The following AFF2 variants were observed in gnomAD, a reference collection of about 807,000 sequenced individuals.
AFF2 encodes ALF transcription elongation factor 2, also known as AF4/FMR2 family member 2.
Under a neutral mutation model 76.9 loss-of-function variants are expected in AFF2, and 14 were observed. The observed-to-expected ratio is 0.18, with a 90% CI of 0.12 to 0.28. The LOEUF (loss-of-function observed/expected upper bound fraction) is 0.28. Ranked by LOEUF, AFF2 falls within the 10% of genes least tolerant of loss-of-function variation. The pLI is 1.00. For synonymous variants in AFF2, 398 were observed against 366.7 expected (o/e 1.09, Z -0.98); for missense variants, 868 against 1,001.1 (o/e 0.87, Z 1.79).
intron 1 of AFF2, among the ~76,000 whole-genome samples, chrX:148,509,918 T>C (rs782406361): frequency 9.0e-6 from 1 of 111,628 alleles, no homozygotes; most frequent in Non-Finnish European, 1.9e-5. Context: ...AAGCTGCTAG[T>C]GAGCAGCAGG....
At chrX:148,974,167 T>C (rs781827750) in intron 16 of AFF2, among the ~76,000 whole-genome samples, 1 of 109,658 alleles carries the variant, frequency 9.1e-6, no homozygotes, top group Non-Finnish European at 1.9e-5. Context: ...GGATATTAAC[T>C]GCACACATTA....
At chrX:148,921,395 G>A (rs782653781) in intron 9 of AFF2, among the ~76,000 whole-genome samples, 3 of 112,311 alleles carry the variant, frequency 2.7e-5, no homozygotes, top group Admixed American at 9.4e-5. Flanking sequence ...CCCTGTACCC[G>A]TTAAGCAGTC....
At chrX:148,862,614 C>T (rs1317437289) in intron 7 of AFF2, among the ~76,000 whole-genome samples, 1 of 110,901 alleles carries the variant, frequency 9.0e-6, no homozygotes, top group African/African-American at 3.3e-5. Context: ...AAGAATGTGT[C>T]CTTTATTTAA....
intron 7 of AFF2, among the ~76,000 whole-genome samples, chrX:148,869,877 G>A (rs1238288525): frequency 3.6e-5 from 4 of 110,908 alleles, no homozygotes; most frequent in Non-Finnish European, 7.6e-5. Context: ...TCCTTCTATG[G>A]GTGACCGTAT....
intron 3 of AFF2, among the ~76,000 whole-genome samples, chrX:148,666,628 A>C (rs868958049): frequency 1.7e-4 from 17 of 102,886 alleles, no homozygotes; most frequent in East Asian, 2.9e-4. Context: ...AAATAAATAA[A>C]TAACAAAACT....
chrX:148,888,634 G>C (rs782177873), intron 8 of AFF2, among the ~76,000 whole-genome samples: 2 of 111,704 alleles, frequency 1.8e-5, no homozygotes, highest in South Asian at 7.5e-4. Flanking sequence ...ACATAGTACT[G>C]TTCACTCATC....
intron 3 of AFF2, among the ~76,000 whole-genome samples, chrX:148,743,761 G>A (rs2055389197): frequency 9.0e-6 from 1 of 111,010 alleles, no homozygotes; most frequent in Admixed American, 9.6e-5. Context: ...GACTCCATTG[G>A]GTGGTCAGAG....
At chrX:148,615,329 G>A (rs2053786373) in intron 1 of AFF2, among the ~76,000 whole-genome samples, 2 of 112,126 alleles carry the variant, frequency 1.8e-5, no homozygotes, top group Admixed American at 9.5e-5. Flanking sequence ...CTTGCACATA[G>A]AAGGTATGTG....
chrX:148,577,501 G>A (rs1300799746), intron 1 of AFF2, among the ~76,000 whole-genome samples: 3 of 112,157 alleles, frequency 2.7e-5, no homozygotes, highest in Non-Finnish European at 5.6e-5. Flanking sequence ...CCAAACCTCT[G>A]CTTTCCTAGA....
At position 148,980,755 on chromosome X, in the gene AFF2, C is replaced by A; in HGVS notation, c.3588C>A (p.Val1196=). The change falls in exon 19 of 21, where the codon GTC becomes GTA. Residue 1196 remains valine, a synonymous_variant. Transcript: ENST00000370460. ...MEYFKQNASK[V]AQIPSPWVSN... Reference sequence around the variant, plus strand: ...TCTTTTAGCAAAATGCTTCAAAAGTCGCACAGATACCCTCTCCATGGGTAA... The same window carrying A: ...TCTTTTAGCAAAATGCTTCAAAAGTAGCACAGATACCCTCTCCATGGGTAA... 2 of 1,198,934 alleles carry A rather than the reference C, an allele frequency of 1.7e-6. No individual in the cohort carries two copies. Among genetic ancestry groups the A allele is most frequent in the South Asian group, 3.6e-5 (2 of 55,856 alleles).
At chrX:148,705,401 T>G (rs2054870731) in intron 3 of AFF2, among the ~76,000 whole-genome samples, 1 of 112,144 alleles carries the variant, frequency 8.9e-6, no homozygotes, top group Non-Finnish European at 1.9e-5. Flanking sequence ...AAACAGAATC[T>G]TAGCCAGGAG....
intron 3 of AFF2, among the ~76,000 whole-genome samples, chrX:148,767,260 G>A (rs1453827761): frequency 9.0e-6 from 1 of 111,189 alleles, no homozygotes; most frequent in African/African-American, 3.3e-5. Flanking sequence ...GTTGGATGAT[G>A]TATGTTAAAT....
intron 7 of AFF2, among the ~76,000 whole-genome samples, chrX:148,847,001 C>T (rs1199447578): frequency 9.0e-5 from 10 of 111,159 alleles, no homozygotes; most frequent in Non-Finnish European, 1.3e-4. Context: ...CCCGGGTTCA[C>T]GCCATTCTCC....
intron 3 of AFF2, among the ~76,000 whole-genome samples, chrX:148,692,562 T>C (rs1243573861): frequency 8.9e-6 from 1 of 112,303 alleles, no homozygotes; most frequent in Non-Finnish European, 1.9e-5. Flanking sequence ...ATGATTATTC[T>C]CAGTTTTGGT....
intron 1 of AFF2, among the ~76,000 whole-genome samples, chrX:148,579,252 T>C: frequency 8.9e-6 from 1 of 111,995 alleles, no homozygotes; most frequent in Non-Finnish European, 1.9e-5. Context: ...AAAACCCACG[T>C]ATGTCTGTAA....
At chrX:148,619,080 T>C (rs1389000758) in intron 1 of AFF2, among the ~76,000 whole-genome samples, 1 of 111,712 alleles carries the variant, frequency 9.0e-6, no homozygotes, top group Non-Finnish European at 1.9e-5. Flanking sequence ...TCTTATATTC[T>C]ATTTTCCTTC....
chrX:148,655,436 C>A (rs1043745745), intron 2 of AFF2, among the ~76,000 whole-genome samples: 2 of 110,248 alleles, frequency 1.8e-5, no homozygotes, highest in Non-Finnish European at 3.8e-5. Flanking sequence ...CCACCATGTC[C>A]GACTAATTTT....
intron 7 of AFF2, among the ~76,000 whole-genome samples, chrX:148,872,625 G>A (rs2070991311): frequency 8.9e-6 from 1 of 111,906 alleles, no homozygotes; most frequent in Admixed American, 9.5e-5. Flanking sequence ...GTCTTTCTGT[G>A]TCTGTCAGTC....
intron 7 of AFF2, among the ~76,000 whole-genome samples, chrX:148,858,322 A>G (rs1351336312): frequency 9.0e-6 from 1 of 111,694 alleles, no homozygotes; most frequent in Non-Finnish European, 1.9e-5. Flanking sequence ...GGAGATAAAA[A>G]GAAAATCATA....
Sources: allele counts gnomAD v4.1 joint callset (sites outside exome capture counted in the v4.1 genomes callset), GRCh38; gene constraint gnomAD v4.1.1; transcripts MANE v1.5; gene names NCBI Gene and HGNC (gene_info 2026-07-23, HGNC 2026-07-21).